Variants in CCDC73 observed in about 807,000 individuals in gnomAD.
CCDC73 encodes coiled-coil domain containing 73.
Under a neutral mutation model 116.5 loss-of-function variants are expected in CCDC73, and 95 were observed. The observed-to-expected ratio is 0.82, with a 90% CI of 0.69 to 0.97. The LOEUF (loss-of-function observed/expected upper bound fraction) is 0.97, where lower values mean the gene tolerates loss of function less well. Among genes scored for constraint, CCDC73 ranks in the 50% least tolerant of loss-of-function variants. The probability of loss-of-function intolerance (pLI) is 0.00; values close to 1 mark genes in which losing one functional copy is unlikely to be tolerated. For synonymous variants in CCDC73, 398 were observed against 401.3 expected, an observed-to-expected ratio of 0.99 and a Z score of 0.10; for missense variants, 1,066 against 1,206.8, an observed-to-expected ratio of 0.88 and a Z score of 1.73.
chr11:32,699,975 A>G (rs1051908134), intron 5 of CCDC73, among the ~76,000 whole-genome samples: 1 of 151,092 alleles, frequency 6.6e-6, no homozygotes, highest in Non-Finnish European at 1.5e-5. Context: ...TACAAATTAC[A>G]TTTCTAAAGA....
At chr11:32,686,839 T>C (rs1347716514) in intron 6 of CCDC73, among the ~76,000 whole-genome samples, 1 of 152,224 alleles carries the variant, frequency 6.6e-6, no homozygotes, top group Non-Finnish European at 1.5e-5. Flanking sequence ...AGTGTTTTTA[T>C]AGTTGCTATA....
intron 12 of CCDC73, among the ~76,000 whole-genome samples, chr11:32,646,023 A>G (rs1855776191): frequency 6.6e-6 from 1 of 152,238 alleles, no homozygotes; most frequent in Admixed American, 6.5e-5. Context: ...TAGAAGATAA[A>G]CAAATAAAAC....
chr11:32,830,579 G>A, the CCDC73 span: 2 of 1,612,228 alleles, frequency 1.2e-6, no homozygotes, highest in Non-Finnish European at 1.7e-6. Flanking sequence ...GTTACCCTGG[G>A]GTTTCCTCAT....
At chr11:32,654,437 G>A (rs1855853138) in intron 10 of CCDC73, among the ~76,000 whole-genome samples, 2 of 152,152 alleles carry the variant, frequency 1.3e-5, no homozygotes, top group Non-Finnish European at 2.9e-5. Context: ...GCCTCCTAAA[G>A]TGCTGGGATT....
chr11:32,822,870 T>C, the CCDC73 span, among the ~76,000 whole-genome samples: 1 of 152,128 alleles, frequency 6.6e-6, no homozygotes, highest in Non-Finnish European at 1.5e-5. Flanking sequence ...ATTGGTACCA[T>C]CTTAAGAATT....
chr11:32,812,805 C>T, the CCDC73 span, among the ~76,000 whole-genome samples: 1 of 152,110 alleles, frequency 6.6e-6, no homozygotes, highest in Non-Finnish European at 1.5e-5. Context: ...CCACTGCACT[C>T]CAGCCTGGGC....
rs543987961 is a variant in CCDC73, at chr11:32,678,494, G to A, written c.430-2473C>T. Among the ~76,000 whole-genome samples, 10 of 152,140 alleles carry A rather than the reference G, an allele frequency of 6.6e-5. 1 individual carries two copies. In the South Asian group the frequency reaches 8.3e-4, roughly 13 times the overall value. On this transcript the variant is annotated intron_variant, in intron 7 of 17. Coordinates refer to ENST00000335185, the MANE Select transcript of CCDC73 (RefSeq NM_001008391.4). ...TATAAATAAAGCACTAAAAAGCAAA[G>A]CCCATCATATAAAAATCACAATAAA...
At chr11:32,763,636 A>T (rs1355317415) in intron 1 of CCDC73, among the ~76,000 whole-genome samples, 2 of 152,220 alleles carry the variant, frequency 1.3e-5, no homozygotes, top group Non-Finnish European at 2.9e-5. Context: ...TCAAAGACCA[A>T]AGGTAGATAA....
At position 32,699,879 on chromosome 11, in the gene CCDC73, A is replaced by AAT. The variant is rs147171468; in HGVS notation, c.316-556_316-555dup. On this transcript the variant is annotated intron_variant, in intron 5 of 17. Coordinates refer to ENST00000335185, the MANE Select transcript of CCDC73 (RefSeq NM_001008391.4). ...ATGTACCCTAGAACTTAGATTAAAA[A>AAT]ATATATATATATATATATATATAAA... Among the ~76,000 whole-genome samples, 62 of 57,370 alleles carry AAT rather than the reference A, an allele frequency of 1.1e-3. 1 individual carries two copies. The highest frequency in any genetic ancestry group is 8.1e-3 in the Middle Eastern group (1 of 124). 37.6% of individuals were successfully genotyped at this position (57,370 alleles called of 152,430 possible). A position where few individuals can be genotyped will look rare whatever the true frequency, so the allele number is the denominator to read the frequency against.
chr11:32,774,279 C>G (rs776423885), intron 1 of CCDC73, among the ~76,000 whole-genome samples: 16 of 152,128 alleles, frequency 1.1e-4, no homozygotes, highest in Non-Finnish European at 2.1e-4. Context: ...TTACAAAGTA[C>G]CTGTTGTTTC....
intron 2 of CCDC73, among the ~76,000 whole-genome samples, chr11:32,722,148 T>C (rs1198624034): frequency 2.6e-5 from 4 of 152,226 alleles, no homozygotes; most frequent in African/African-American, 9.6e-5. Context: ...ATCAATACTA[T>C]GATTCTGCTC....
intron 2 of CCDC73, among the ~76,000 whole-genome samples, chr11:32,736,451 C>T (rs974338551): frequency 6.6e-6 from 1 of 152,174 alleles, no homozygotes; most frequent in African/African-American, 2.4e-5. Context: ...CAAATCAAAA[C>T]CACAGTGAGA....
chr11:32,702,265 T>C (rs1387955183), intron 4 of CCDC73, among the ~76,000 whole-genome samples: 2 of 152,256 alleles, frequency 1.3e-5, no homozygotes, highest in African/African-American at 2.4e-5. Context: ...TTTCTCAAAC[T>C]GTTATAATAT....
intron 9 of CCDC73, among the ~76,000 whole-genome samples, chr11:32,655,698 T>C (rs1014021111): frequency 1.3e-4 from 20 of 152,192 alleles, no homozygotes; most frequent in African/African-American, 4.8e-5. Context: ...AGTTTGAATG[T>C]TATACTATAA....
At chr11:32,827,953 T>A in the CCDC73 span, among the ~76,000 whole-genome samples, 1 of 152,152 alleles carries the variant, frequency 6.6e-6, no homozygotes. Context: ...TCTGGCCTCT[T>A]CATAGTCTGA....
At chr11:32,828,041 T>C in the CCDC73 span, among the ~76,000 whole-genome samples, 1 of 151,674 alleles carries the variant, frequency 6.6e-6, no homozygotes, top group Non-Finnish European at 1.5e-5. Context: ...AAATGGAAAG[T>C]GAAGAGGAAG....
chr11:32,803,181 C>T, the CCDC73 span, among the ~76,000 whole-genome samples: 6 of 152,134 alleles, frequency 3.9e-5, no homozygotes, highest in Non-Finnish European at 7.4e-5. Flanking sequence ...GCAACCTCTT[C>T]CTCCCAGGTT....
At chr11:32,727,717 A>G (rs1850040461) in intron 2 of CCDC73, among the ~76,000 whole-genome samples, 4 of 151,926 alleles carry the variant, frequency 2.6e-5, no homozygotes, top group Admixed American at 2.6e-4. Flanking sequence ...GATTACAGGC[A>G]CCCACCACCA....
In CCDC73 at chr11:32,613,685, A is replaced by T; in HGVS notation, c.2633T>A (p.Val878Glu). 6.2e-7 allele frequency: 1 copy of T among 1,614,122 alleles called. No homozygotes were observed. The highest frequency in any genetic ancestry group is 8.5e-7 in the Non-Finnish European group (1 of 1,179,986). ...SFHIEPSGDL[V>E]NRSGRSTFDL... is the part of the protein sequence containing the mutation. ...AAAGGTTGACCTTCCGCTTCTGTTT[A>T]CTAAATCTCCAGATGGCTCTATGTG... is the stretch of plus-strand genomic sequence containing the variant. The change falls in exon 16 of 18, where the codon GTA becomes GAA. Residue 878 changes from valine to glutamate, a missense_variant. Transcript: ENST00000335185.
Sources: allele counts gnomAD v4.1 joint callset (sites outside exome capture counted in the v4.1 genomes callset), GRCh38; gene constraint gnomAD v4.1.1; transcripts MANE v1.5; gene names NCBI Gene and HGNC (gene_info 2026-07-23, HGNC 2026-07-21).